OR5H2: variants seen among roughly 807,000 people sequenced by gnomAD.
OR5H2 encodes olfactory receptor 5H2.
For missense variants in OR5H2, 391 were observed against 364.4 expected (o/e 1.07, Z -0.59); for synonymous variants, 132 against 126.8 (o/e 1.04, Z -0.27).
Position 98,282,657 on chromosome 3 carries a change from A to G in OR5H2, c.-246A>G, listed in dbSNP as rs1706143323. ...AACACACATTACATGCATTTCTATCATCTGCATTTTAAAAGTAGATTATTT... is the reference window on the plus strand; with the variant it reads ...AACACACATTACATGCATTTCTATCGTCTGCATTTTAAAAGTAGATTATTT... On this transcript the variant is annotated 5_prime_UTR_variant, in exon 1 of 1. Transcript: ENST00000355273. Among the ~76,000 whole-genome samples, 1 of 152,234 alleles carries G rather than the reference A, an allele frequency of 6.6e-6. No individual in the cohort carries two copies. Among genetic ancestry groups the G allele is most frequent in the Non-Finnish European group, 1.5e-5 (1 of 68,038 alleles).
chr3:98,283,447 T>C lies in OR5H2; in HGVS notation c.545T>C (p.Ile182Thr), dbSNP rs1401370304. 1.2e-6 allele frequency: 2 copies of C among 1,610,186 alleles called. No individual in the cohort carries two copies. The highest frequency in any genetic ancestry group is 1.7e-6 in the Non-Finnish European group (2 of 1,179,048). Residue 182 changes from isoleucine to threonine, a missense_variant, in exon 1 of 1, where the codon ATA becomes ACA. By Grantham distance (89) the Ile-to-Thr change is moderately conservative. Coordinates refer to ENST00000355273, the MANE Select transcript of OR5H2 (RefSeq NM_001005482.2). ...NIIHHFYCDI[I>T]PLFMISCTDP... Reference sequence around the variant, plus strand: ...ATACATCATTTTTACTGTGATATTATACCACTGTTTATGATTTCCTGTACT... The same window carrying C: ...ATACATCATTTTTACTGTGATATTACACCACTGTTTATGATTTCCTGTACT...
At position 98,284,047 on chromosome 3, in the gene OR5H2, A is replaced by G. The variant is rs1264339599; in HGVS notation, c.*215A>G. Among the ~76,000 whole-genome samples the G allele has an allele frequency of 6.6e-6, 1 of 152,212 alleles. No homozygotes were observed. Among genetic ancestry groups the G allele is most frequent in the East Asian group, 1.9e-4 (1 of 5,200 alleles). ...TGTTCATGTTATATTAGATAATTAA[A>G]GCAGAAAACAAATGAAAACATTTAT... On this transcript the variant is annotated 3_prime_UTR_variant, in exon 1 of 1. Transcript: ENST00000355273.
In OR5H2 at chr3:98,283,463, T is replaced by A; in HGVS notation, c.561T>A (p.Ile187=). The A allele has an allele frequency of 6.2e-7, 1 of 1,611,836 alleles. No homozygotes were observed. Among genetic ancestry groups the A allele is most frequent in the Non-Finnish European group, 8.5e-7 (1 of 1,179,426 alleles). Reference sequence around the variant, plus strand: ...GTGATATTATACCACTGTTTATGATTTCCTGTACTGACCCTTCTATTAATT... The same window carrying A: ...GTGATATTATACCACTGTTTATGATATCCTGTACTGACCCTTCTATTAATT... ...FYCDIIPLFM[I]SCTDPSINFL... The change falls in exon 1 of 1, where the codon ATT becomes ATA. Residue 187 remains isoleucine, a synonymous_variant. Transcript: ENST00000355273.
chr3:98,283,143 A>G lies in OR5H2; in HGVS notation c.241A>G (p.Met81Val). 2 of 1,614,022 alleles carry G rather than the reference A, an allele frequency of 1.2e-6. No homozygotes were observed. The highest frequency in any genetic ancestry group is 1.7e-6 in the Non-Finnish European group (2 of 1,179,960). ...GATATCTTCCACAGTAACTCCCAAA[A>G]TGTTGGTTAATTTCTTGGCCAAAAA... is the stretch of plus-strand genomic sequence containing the variant. ...AWISSTVTPK[M>V]LVNFLAKNRM... Residue 81 changes from methionine to valine, a missense_variant, in exon 1 of 1, where the codon ATG (methionine) becomes GTG (valine). By Grantham distance (21) the Met-to-Val change is conservative. Transcript: ENST00000355273.
rs1706170753 is a variant in OR5H2, at chr3:98,283,968, T to G, written c.*136T>G. 1 of 507,950 alleles carries G rather than the reference T, an allele frequency of 2.0e-6. No homozygotes were observed. The highest frequency in any genetic ancestry group is 3.4e-6 in the Non-Finnish European group (1 of 296,768). 31.5% of individuals were successfully genotyped at this position (507,950 alleles called of 1,614,324 possible). ...ACTTAGGGTTTTATACCTAATAAAC[T>G]CCTTAAAATATTTATATATGTTATT... On this transcript the variant is annotated 3_prime_UTR_variant, in exon 1 of 1. Transcript: ENST00000355273.
In OR5H2 at chr3:98,282,583, T is replaced by TA. The variant is rs748193496; in HGVS notation, c.-318dup. Among the ~76,000 whole-genome samples the TA allele has an allele frequency of 2.6e-5, 4 of 152,196 alleles. No individual in the cohort carries two copies. The highest frequency in any genetic ancestry group is 4.4e-5 in the Non-Finnish European group (3 of 68,032). On this transcript the variant is annotated 5_prime_UTR_variant, in exon 1 of 1. Coordinates refer to ENST00000355273, the MANE Select transcript of OR5H2 (RefSeq NM_001005482.2). ...GCAGGCTGTAACCCCTTATAAGAAA[T>TA]AAGTCTTCTCTCCTTTTCTAAATTT...
In OR5H2 at chr3:98,283,335, T is replaced by C. The variant is rs780390362; in HGVS notation, c.433T>C (p.Leu145=). ...IMNNSLCIRL[L]AFSFLGGFLH... ...GAACAATTCACTATGCATACGGCTG[T>C]TAGCCTTCTCATTTTTAGGTGGCTT... Residue 145 remains leucine, a synonymous_variant, in exon 1 of 1, where the codon TTA becomes CTA. Coordinates refer to ENST00000355273, the MANE Select transcript of OR5H2 (RefSeq NM_001005482.2). 1.2e-5 allele frequency: 19 copies of C among 1,612,740 alleles called. No homozygotes were observed. Among genetic ancestry groups the C allele is most frequent in the Non-Finnish European group, 1.4e-5 (16 of 1,179,766 alleles).
Position 98,282,617 on chromosome 3 carries a change from T to G in OR5H2, c.-286T>G, listed in dbSNP as rs1706142770. 6.6e-6 allele frequency among the ~76,000 whole-genome samples: 1 copy of G among 152,204 alleles called. No homozygotes were observed. Among genetic ancestry groups the G allele is most frequent in the Non-Finnish European group, 1.5e-5 (1 of 68,034 alleles). On this transcript the variant is annotated 5_prime_UTR_variant, in exon 1 of 1. Transcript: ENST00000355273. ...TCTCCTTTTCTAAATTTACAAATAG[T>G]GATTTTCTTAAGTTAACACACATTA... is the stretch of plus-strand genomic sequence containing the variant.
In OR5H2 at chr3:98,282,949, G is replaced by A. The variant is rs769324469; in HGVS notation, c.47G>A (p.Gly16Glu). 1 of 1,613,818 alleles carries A rather than the reference G, an allele frequency of 6.2e-7. No individual in the cohort carries two copies. Among genetic ancestry groups the A allele is most frequent in the African/African-American group, 1.3e-5 (1 of 74,890 alleles). ...TTLLTEFVLTGLTYQPEWKMP... is the reference protein window; with the variant it reads ...TTLLTEFVLTELTYQPEWKMP... ...TTGCTGACAGAGTTTGTTCTCACAG[G>A]ACTTACATATCAGCCAGAGTGGAAA... Residue 16 changes from glycine (G) to glutamate (E), a missense_variant, in exon 1 of 1, where the codon GGA becomes GAA. Gly to Glu is a moderately conservative substitution (Grantham distance 98, BLOSUM62 -2). Transcript: ENST00000355273.
At position 98,283,267 on chromosome 3, in the gene OR5H2, G is replaced by C. The variant is rs544514453; in HGVS notation, c.365G>C (p.Arg122Pro). Reference protein sequence around the residue: ...CFLLATMAYDRYVAICKPLLY... With the variant: ...CFLLATMAYDPYVAICKPLLY... ...CTCTTGGCAACAATGGCATATGATC[G>C]CTATGTAGCCATATGCAAACCTTTA... The change falls in exon 1 of 1, where the codon CGC becomes CCC. Residue 122 changes from arginine (R) to proline (P), a missense_variant. Coordinates refer to ENST00000355273, the MANE Select transcript of OR5H2 (RefSeq NM_001005482.2). 3 of 1,613,732 alleles carry C rather than the reference G, an allele frequency of 1.9e-6. No individual in the cohort carries two copies. The highest frequency in any genetic ancestry group is 2.2e-5 in the South Asian group (2 of 91,062).
rs1476941455 is a variant in OR5H2, at chr3:98,283,192, G to A, written c.290G>A (p.Cys97Tyr). 6.2e-7 allele frequency: 1 copy of A among 1,613,944 alleles called. No individual in the cohort carries two copies. The highest frequency in any genetic ancestry group is 8.5e-7 in the Non-Finnish European group (1 of 1,179,932). The change falls in exon 1 of 1, where the codon TGC becomes TAC. Residue 97 changes from cysteine to tyrosine, a missense_variant. Cys to Tyr is a radical substitution (Grantham distance 194). Coordinates refer to ENST00000355273, the MANE Select transcript of OR5H2 (RefSeq NM_001005482.2). ...AKNRMISLSE[C>Y]MIQFFSFAFG... ...AACAGGATGATATCTCTGTCTGAAT[G>A]CATGATTCAATTTTTTTCCTTTGCA... is the stretch of plus-strand genomic sequence containing the variant.
At position 98,283,806 on chromosome 3, in the gene OR5H2, A is replaced by T. The variant is rs1291501736; in HGVS notation, c.904A>T (p.Thr302Ser). 1.3e-6 allele frequency: 2 copies of T among 1,536,662 alleles called. No homozygotes were observed. The highest frequency in any genetic ancestry group is 4.3e-5 in the Admixed American group (2 of 46,772). The change falls in exon 1 of 1, where the codon ACA (threonine) becomes TCA (serine). Residue 302 changes from threonine (T) to serine (S), a missense_variant. By Grantham distance (58) the Thr-to-Ser change is moderately conservative. Coordinates refer to ENST00000355273, the MANE Select transcript of OR5H2 (RefSeq NM_001005482.2). The part of the protein sequence containing the change: ...LRNKQVIDSF[T>S]KMVKRNV ...AAATAAACAAGTAATAGATTCATTC[A>T]CAAAAATGGTAAAAAGAAATGTTTA...
At position 98,283,040 on chromosome 3, in the gene OR5H2, T is replaced by C; in HGVS notation, c.138T>C (p.Ile46=). The change falls in exon 1 of 1, where the codon ATT becomes ATC. Residue 46 remains isoleucine (I), a synonymous_variant. Transcript: ENST00000355273. ...CTATTGTGTGGAACCTTGGTCTGATTGCTCTTATCTGGAATGACCCACAAC... is the reference window on the plus strand; with the variant it reads ...CTATTGTGTGGAACCTTGGTCTGATCGCTCTTATCTGGAATGACCCACAAC... ...LITIVWNLGL[I]ALIWNDPQLH... 6.2e-7 allele frequency: 1 copy of C among 1,614,058 alleles called. No homozygotes were observed.
chr3:98,283,248 G>A lies in OR5H2; in HGVS notation c.346G>A (p.Ala116Thr), dbSNP rs1172564310. Residue 116 changes from alanine to threonine, a missense_variant, in exon 1 of 1, where the codon GCA becomes ACA. Ala to Thr is a moderately conservative substitution (Grantham distance 58). Coordinates refer to ENST00000355273, the MANE Select transcript of OR5H2 (RefSeq NM_001005482.2). ...TGGAACTACAGAATGTTTTCTCTTGGCAACAATGGCATATGATCGCTATGT... is the reference window on the plus strand; with the variant it reads ...TGGAACTACAGAATGTTTTCTCTTGACAACAATGGCATATGATCGCTATGT... Reference protein sequence around the residue: ...FGGTTECFLLATMAYDRYVAI... With the variant: ...FGGTTECFLLTTMAYDRYVAI... 6.2e-7 allele frequency: 1 copy of A among 1,613,760 alleles called. No homozygotes were observed. The highest frequency in any genetic ancestry group is 1.1e-5 in the South Asian group (1 of 91,044).
chr3:98,283,031 TG>T lies in OR5H2; in HGVS notation c.131del (p.Gly44ValfsTer2), dbSNP rs1241021831. The T allele has an allele frequency of 7.4e-6, 12 of 1,613,952 alleles. No individual in the cohort carries two copies. The East Asian group carries it at 2.7e-4, about 36-fold the overall frequency. Reference protein sequence around the residue: ...IYLITIVWNLGLIALIWNDPQ... With the variant: ...IYLITIVWNLXLIALIWNDPQ... The stretch of plus-strand genomic sequence containing the variant: ...ATCTCATCACTATTGTGTGGAACCT[TG>T]GTCTGATTGCTCTTATCTGGAATGA... On this transcript the variant is annotated frameshift_variant, in exon 1 of 1. Coordinates refer to ENST00000355273, the MANE Select transcript of OR5H2 (RefSeq NM_001005482.2). LOFTEE classifies it low-confidence loss of function (END_TRUNC).
rs958737360 is a variant in OR5H2, at chr3:98,282,613, A to G, written c.-290A>G. On this transcript the variant is annotated 5_prime_UTR_variant, in exon 1 of 1. Coordinates refer to ENST00000355273, the MANE Select transcript of OR5H2 (RefSeq NM_001005482.2). ...CTTCTCTCCTTTTCTAAATTTACAA[A>G]TAGTGATTTTCTTAAGTTAACACAC... is the stretch of plus-strand genomic sequence containing the variant. 6.6e-6 allele frequency among the ~76,000 whole-genome samples: 1 copy of G among 152,214 alleles called. No individual in the cohort carries two copies. Among genetic ancestry groups the G allele is most frequent in the Non-Finnish European group, 1.5e-5 (1 of 68,034 alleles).
Position 98,283,816 on chromosome 3 carries a change from T to A in OR5H2, c.914T>A (p.Val305Glu), listed in dbSNP as rs760786119. The A allele has an allele frequency of 9.9e-6, 15 of 1,522,412 alleles. No individual in the cohort carries two copies. Among genetic ancestry groups the A allele is most frequent in the Non-Finnish European group, 9.8e-6 (11 of 1,125,962 alleles). 94.3% of individuals were successfully genotyped at this position (1,522,412 alleles called of 1,614,324 possible). The change falls in exon 1 of 1, where the codon GTA (valine) becomes GAA (glutamate). Residue 305 changes from valine to glutamate, a missense_variant. By Grantham distance (121) the Val-to-Glu change is moderately radical. Transcript: ENST00000355273. Reference sequence around the variant, plus strand: ...GTAATAGATTCATTCACAAAAATGGTAAAAAGAAATGTTTAGATTTCATAG... The same window carrying A: ...GTAATAGATTCATTCACAAAAATGGAAAAAAGAAATGTTTAGATTTCATAG... ...KQVIDSFTKMVKRNV is the reference protein window; with the variant it reads ...KQVIDSFTKMEKRNV
chr3:98,282,931 C>CA lies in OR5H2; in HGVS notation c.30dup (p.Glu11ArgfsTer42). 5 of 1,613,912 alleles carry CA rather than the reference C, an allele frequency of 3.1e-6. No homozygotes were observed. The highest frequency in any genetic ancestry group is 1.1e-5 in the South Asian group (1 of 91,060). ...GAACAGGATAATACAACATTGCTGACAGAGTTTGTTCTCACAGGACTTACA... is the reference window on the plus strand; with the variant it reads ...GAACAGGATAATACAACATTGCTGACAAGAGTTTGTTCTCACAGGACTTACA... On this transcript the variant is annotated frameshift_variant, in exon 1 of 1. Coordinates refer to ENST00000355273, the MANE Select transcript of OR5H2 (RefSeq NM_001005482.2). LOFTEE classifies it low-confidence loss of function (END_TRUNC).
Position 98,283,481 on chromosome 3 carries a change from T to C in OR5H2, c.579T>C (p.Ser193=), listed in dbSNP as rs199527038. The change falls in exon 1 of 1, where the codon TCT becomes TCC. Residue 193 remains serine, a synonymous_variant. Coordinates refer to ENST00000355273, the MANE Select transcript of OR5H2 (RefSeq NM_001005482.2). ...TTATGATTTCCTGTACTGACCCTTC[T>C]ATTAATTTTCTAATGGTTTTTATTT... ...PLFMISCTDP[S]INFLMVFILS... 1.3e-4 allele frequency: 217 copies of C among 1,612,418 alleles called. No individual in the cohort carries two copies. The highest frequency in any genetic ancestry group is 1.8e-4 in the Non-Finnish European group (211 of 1,179,582).
Sources: allele counts gnomAD v4.1 joint callset (sites outside exome capture counted in the v4.1 genomes callset), GRCh38; gene constraint gnomAD v4.1.1; transcripts MANE v1.5; gene names NCBI Gene and HGNC (gene_info 2026-07-23, HGNC 2026-07-21).